The following CDH20 variants were observed in gnomAD, a reference collection of about 807,000 sequenced individuals.
CDH20 encodes cadherin 20.
CDH20 carries 29 observed loss-of-function variants against 74.2 expected under a neutral mutation model. The ratio of observed to expected loss-of-function variants is 0.39; its 90% CI spans 0.29 to 0.53. The LOEUF (loss-of-function observed/expected upper bound fraction) is 0.53. CDH20 is among the 20% of genes least tolerant of loss of function. The pLI, the probability that CDH20 is intolerant of heterozygous loss-of-function variation, is 0.69. For synonymous variants in CDH20, 469 were observed against 405.4 expected, an observed-to-expected ratio of 1.16 and a Z score of -1.88; for missense variants, 988 against 1,048.3, an observed-to-expected ratio of 0.94 and a Z score of 0.79.
chr18:61,342,806 T>A (rs1347260531), intron 1 of CDH20, among the ~76,000 whole-genome samples: 1 of 152,214 alleles, frequency 6.6e-6, no homozygotes, highest in African/African-American at 2.4e-5. Flanking sequence ...ATAGTTCCCA[T>A]GGTTACATCA....
chr18:61,367,340 T>C (rs1390763406), intron 1 of CDH20, among the ~76,000 whole-genome samples: 1 of 152,196 alleles, frequency 6.6e-6, no homozygotes, highest in Non-Finnish European at 1.5e-5. Flanking sequence ...TCAGATTTCA[T>C]ACTAAGAGAA....
At chr18:61,435,019 A>G (rs1355833048) in intron 1 of CDH20, among the ~76,000 whole-genome samples, 1 of 152,166 alleles carries the variant, frequency 6.6e-6, no homozygotes, top group Non-Finnish European at 1.5e-5. Flanking sequence ...ATATAAAGAC[A>G]ACAATGACAA....
At chr18:61,537,363 A>G (rs538564278) in intron 8 of CDH20, among the ~76,000 whole-genome samples, 2 of 152,328 alleles carry the variant, frequency 1.3e-5, no homozygotes, top group East Asian at 3.8e-4. Flanking sequence ...AGATATCAAC[A>G]AAGATTTAAA....
intron 2 of CDH20, among the ~76,000 whole-genome samples, chr18:61,494,309 G>A (rs1289913035): frequency 1.3e-5 from 2 of 152,124 alleles, no homozygotes; most frequent in African/African-American, 4.8e-5. Context: ...GCTGCTTCCT[G>A]AACCCTTGAT....
intron 2 of CDH20, among the ~76,000 whole-genome samples, chr18:61,498,143 T>A (rs935033087): frequency 7.2e-5 from 11 of 152,180 alleles, no homozygotes; most frequent in Non-Finnish European, 1.5e-4. Flanking sequence ...CTCACACCTA[T>A]AATCCCAGCA....
At chr18:61,435,921 T>G (rs969181102) in intron 1 of CDH20, among the ~76,000 whole-genome samples, 1 of 151,866 alleles carries the variant, frequency 6.6e-6, no homozygotes, top group Non-Finnish European at 1.5e-5. Context: ...TGACCATCGC[T>G]CCCCCATTTC....
chr18:61,430,936 T>C (rs1182833670), intron 1 of CDH20, among the ~76,000 whole-genome samples: 1 of 152,194 alleles, frequency 6.6e-6, no homozygotes, highest in African/African-American at 2.4e-5. Flanking sequence ...AACCAAGATC[T>C]GGGCCCTAGG....
At chr18:61,540,917 T>G (rs1480276084) in intron 9 of CDH20, among the ~76,000 whole-genome samples, 1 of 152,198 alleles carries the variant, frequency 6.6e-6, no homozygotes, top group African/African-American at 2.4e-5. Flanking sequence ...TGATCTAAAT[T>G]TATCTAACAA....
rs926759347 is a variant in CDH20 at position 61,396,326 on chromosome 18, T to C, written c.-153+62499T>C. On this transcript the variant is annotated intron_variant, in intron 1 of 11. Transcript: ENST00000262717. ...TTCCAAACTCTTCCTTTCTAGGTAT[T>C]CTTTTGGAAATCAATAATTTAATTT... Among the ~76,000 whole-genome samples, 3 of 152,206 alleles carry C rather than the reference T, an allele frequency of 2.0e-5. No homozygotes were observed. The East Asian group carries it at 5.8e-4, about 29-fold the overall frequency.
chr18:61,417,090 T>C (rs1912710143), intron 1 of CDH20, among the ~76,000 whole-genome samples: 1 of 152,228 alleles, frequency 6.6e-6, no homozygotes, highest in Admixed American at 6.5e-5. Context: ...TGATTTAGTA[T>C]TATTTAATGT....
At chr18:61,409,111 C>G (rs1028537733) in intron 1 of CDH20, among the ~76,000 whole-genome samples, 1 of 152,194 alleles carries the variant, frequency 6.6e-6, no homozygotes, top group Admixed American at 6.5e-5. Context: ...AATGTCTTTA[C>G]TTTTGAAAAG....
intron 7 of CDH20, among the ~76,000 whole-genome samples, chr18:61,532,886 T>C (rs1912695610): frequency 6.6e-6 from 1 of 152,220 alleles, no homozygotes; most frequent in Non-Finnish European, 1.5e-5. Context: ...ACATAGTAGT[T>C]ATAATTTTGT....
chr18:61,500,578 C>A, intron 4 of CDH20, 76 bp downstream of exon 4: 2 of 1,483,622 alleles, frequency 1.3e-6, no homozygotes, highest in East Asian at 2.3e-5. Flanking sequence ...AGACCCAACT[C>A]TCCTTTTTAA....
intron 1 of CDH20, among the ~76,000 whole-genome samples, chr18:61,397,803 C>T (rs1912033253): frequency 2.0e-5 from 3 of 152,162 alleles, no homozygotes; most frequent in South Asian, 4.1e-4. Flanking sequence ...ATGAGGGAAA[C>T]ACACCTCATA....
chr18:61,358,372 G>A (rs973342142), intron 1 of CDH20, among the ~76,000 whole-genome samples: 19 of 151,978 alleles, frequency 1.3e-4, no homozygotes, highest in African/African-American at 4.1e-4. Flanking sequence ...CTCCCACCTC[G>A]GCCTCCCAGA....
chr18:61,333,872 AC>A (rs1312592101), intron 1 of CDH20, 45 bp downstream of exon 1: 2 of 151,698 alleles, frequency 1.3e-5, no homozygotes, highest in African/African-American at 4.9e-5. Context: ...GGGGCTTGGG[AC>A]TCCGGGCGCG....
intron 1 of CDH20, among the ~76,000 whole-genome samples, chr18:61,342,285 C>G (rs1232320691): frequency 6.6e-6 from 1 of 152,140 alleles, no homozygotes; most frequent in East Asian, 1.9e-4. Flanking sequence ...TTAGCCATAC[C>G]TCTCTGCCAG....
At chr18:61,435,935 A>G (rs1034961209) in intron 1 of CDH20, among the ~76,000 whole-genome samples, 1 of 152,134 alleles carries the variant, frequency 6.6e-6, no homozygotes, top group Non-Finnish European at 1.5e-5. Context: ...CCATTTCTGC[A>G]CACTCGCCAC....
chr18:61,339,360 T>TACACAC (rs35630137), intron 1 of CDH20, among the ~76,000 whole-genome samples: 2,161 of 145,926 alleles, frequency 0.015, 54 homozygotes, highest in African/African-American at 0.052. Flanking sequence ...GCAAGTTTAT[T>TACACAC]ACACACACAC....
Sources: allele counts gnomAD v4.1 joint callset (sites outside exome capture counted in the v4.1 genomes callset), GRCh38; gene constraint gnomAD v4.1.1; transcripts MANE v1.5; gene names NCBI Gene and HGNC (gene_info 2026-07-23, HGNC 2026-07-21).